DPYD: variants seen among roughly 807,000 people sequenced by gnomAD.
DPYD encodes dihydropyrimidine dehydrogenase [NADP(+)].
DPYD carries 109 observed loss-of-function variants against 116.2 expected under a neutral mutation model. The observed-to-expected ratio is 0.94, with a 90% CI of 0.80 to 1.10. DPYD has a LOEUF of 1.10. Ranked by LOEUF, DPYD falls within the 50% of genes least tolerant of loss-of-function variation. The pLI, the probability that DPYD is intolerant of heterozygous loss-of-function variation, is 0.00. For missense variants in DPYD, 1,302 were observed against 1,254.5 expected (o/e 1.04, Z -0.57); for synonymous variants, 440 against 432.0 (o/e 1.02, Z -0.23).
At chr1:97,305,439 T>G in intron 17 of DPYD, 61 bp from the exon 18 acceptor site, 1 of 1,608,562 alleles carries the variant, frequency 6.2e-7, no homozygotes, top group Non-Finnish European at 8.5e-7. Context: ...TTAAAACCCA[T>G]TCAAACCCTC....
At chr1:97,175,281 T>C (rs1441708238) in intron 20 of DPYD, among the ~76,000 whole-genome samples, 1 of 151,920 alleles carries the variant, frequency 6.6e-6, no homozygotes, top group African/African-American at 2.4e-5. Context: ...TACTTTCTAA[T>C]CTCACCTAAG....
At chr1:97,658,417 T>G (rs1659063058) in intron 8 of DPYD, among the ~76,000 whole-genome samples, 1 of 152,182 alleles carries the variant, frequency 6.6e-6, no homozygotes. Flanking sequence ...TGGTTAGATT[T>G]GATTATATGT....
intron 8 of DPYD, among the ~76,000 whole-genome samples, chr1:97,620,976 A>C (rs1656600398): frequency 6.6e-6 from 1 of 152,164 alleles, no homozygotes; most frequent in Admixed American, 6.6e-5. Context: ...GCTATCTAAC[A>C]ATCAGCATAT....
chr1:97,832,091 TA>T (rs1669570533), intron 2 of DPYD, among the ~76,000 whole-genome samples: 1 of 66,980 alleles, frequency 1.5e-5, no homozygotes, highest in Non-Finnish European at 3.6e-5. Flanking sequence ...GTGTGTGTAT[TA>T]ATTATAGTAA....
intron 1 of DPYD, among the ~76,000 whole-genome samples, chr1:97,887,312 A>T (rs1226391650): frequency 1.3e-5 from 2 of 151,568 alleles, no homozygotes; most frequent in Non-Finnish European, 2.9e-5. Context: ...TCTATAAAAA[A>T]TACAAAAATT....
chr1:97,808,960 T>C (rs1482408142), intron 3 of DPYD, among the ~76,000 whole-genome samples: 4 of 152,130 alleles, frequency 2.6e-5, no homozygotes, highest in African/African-American at 7.2e-5. Context: ...CCTATGGTTA[T>C]TTTGAAGTGT....
rs540493247 is a variant in DPYD at position 97,404,312 on chromosome 1, T to C, written c.1906-21851A>G. The stretch of plus-strand genomic sequence containing the variant: ...TGTCAAATTATATCCAGTTGACTAA[T>C]AGTGTTGTTGAGTTTAACTATGTGC... On this transcript the variant is annotated intron_variant, in intron 14 of 22. Transcript: ENST00000370192. Among the ~76,000 whole-genome samples, 7 of 152,216 alleles carry C rather than the reference T, an allele frequency of 4.6e-5. No homozygotes were observed. The East Asian group carries it at 1.4e-3, about 29-fold the overall frequency.
chr1:97,674,325 T>G (rs1392256141), intron 8 of DPYD, among the ~76,000 whole-genome samples: 1 of 152,174 alleles, frequency 6.6e-6, no homozygotes, highest in Non-Finnish European at 1.5e-5. Context: ...CTATTATAAT[T>G]GATTTCACTG....
chr1:97,723,381 A>G (rs1663032593), intron 4 of DPYD, among the ~76,000 whole-genome samples: 1 of 151,634 alleles, frequency 6.6e-6, no homozygotes, highest in Admixed American at 6.6e-5. Flanking sequence ...CATACTGTTC[A>G]TGGCTCAATA....
chr1:97,252,171 T>C, intron 18 of DPYD, among the ~76,000 whole-genome samples: 1 of 152,330 alleles, frequency 6.6e-6, no homozygotes, highest in South Asian at 2.1e-4. Flanking sequence ...ATTTTTTCAA[T>C]CTTTAATGTT....
At chr1:97,264,765 T>G (rs1664124216) in intron 18 of DPYD, among the ~76,000 whole-genome samples, 1 of 151,432 alleles carries the variant, frequency 6.6e-6, no homozygotes, top group Non-Finnish European at 1.5e-5. Context: ...AGCTAATTTA[T>G]ATTTAAATTG....
intron 16 of DPYD, among the ~76,000 whole-genome samples, chr1:97,339,986 T>C (rs144869741): frequency 1.5e-3 from 231 of 152,254 alleles, no homozygotes; most frequent in African/African-American, 5.4e-3. Flanking sequence ...GCTGTCTTAG[T>C]GTGATCATTG....
chr1:97,514,065 G>T, intron 13 of DPYD: 1 of 450,558 alleles, frequency 2.2e-6, no homozygotes, highest in Non-Finnish European at 2.9e-6. Context: ...TACATTTCAT[G>T]TGCCAAATTT....
At chr1:97,815,454 G>A (rs1260837229) in intron 3 of DPYD, among the ~76,000 whole-genome samples, 1 of 152,070 alleles carries the variant, frequency 6.6e-6, no homozygotes, top group African/African-American at 2.4e-5. Flanking sequence ...ATGAAGCAGG[G>A]GAAGAATAAA....
chr1:97,921,044 G>A, upstream of DPYD: 1 of 1,277,598 alleles, frequency 7.8e-7, no homozygotes, highest in Non-Finnish European at 1.1e-6. Flanking sequence ...TAGGGCCGGC[G>A]GCGCGGGGGC....
At chr1:97,672,894 TCTTCAC>T (rs1228165698) in intron 8 of DPYD, among the ~76,000 whole-genome samples, 1 of 151,992 alleles carries the variant, frequency 6.6e-6, no homozygotes, top group Non-Finnish European at 1.5e-5. Flanking sequence ...TATTTGGGAA[TCTTCAC>T]ATTTAAAAAA....
chr1:97,711,106 T>A (rs1482686763), intron 5 of DPYD, among the ~76,000 whole-genome samples: 1 of 151,844 alleles, frequency 6.6e-6, no homozygotes, highest in Non-Finnish European at 1.5e-5. Context: ...ATATCTCCAA[T>A]CCTAAAAATC....
chr1:97,800,700 A>T (rs571112338), intron 3 of DPYD, among the ~76,000 whole-genome samples: 1 of 151,988 alleles, frequency 6.6e-6, no homozygotes, highest in African/African-American at 2.4e-5. Flanking sequence ...CCTATTTGTA[A>T]CTGCCACTGT....
In DPYD at chr1:97,495,937, C is replaced by A. The variant is rs889767627; in HGVS notation, c.1740+19789G>T. The stretch of plus-strand genomic sequence containing the variant: ...AACTGCAGGTCCTTTATTAGGTTGA[C>A]CTTTTCTTTCCAAATATTTGACATC... On this transcript the variant is annotated intron_variant, in intron 13 of 22. Coordinates refer to ENST00000370192, the MANE Select transcript of DPYD (RefSeq NM_000110.4). 3.9e-5 allele frequency among the ~76,000 whole-genome samples: 6 copies of A among 152,028 alleles called. No homozygotes were observed. In the East Asian group the frequency reaches 9.7e-4, roughly 24 times the overall value.
Sources: gnomAD v4.1 joint callset for allele counts (sites outside exome capture counted in the v4.1 genomes callset) on GRCh38, gnomAD v4.1.1 for gene constraint, MANE v1.5 for transcripts, NCBI Gene and HGNC (gene_info 2026-07-23, HGNC 2026-07-21) for gene names.